IL17RA: variants seen among roughly 807,000 people sequenced by gnomAD.
The protein encoded by IL17RA is interleukin 17 receptor A.
Under a neutral mutation model 50.4 loss-of-function variants are expected in IL17RA, and 34 were observed. That is an observed-to-expected ratio of 0.67 (90% CI 0.51 to 0.90). The LOEUF is 0.90. Among genes scored for constraint, IL17RA ranks in the 40% least tolerant of loss-of-function variants. The pLI, the probability that IL17RA is intolerant of heterozygous loss-of-function variation, is 0.00. For synonymous variants in IL17RA, 585 were observed against 510.4 expected (o/e 1.15, Z -1.97); for missense variants, 1,276 against 1,169.8 (o/e 1.09, Z -1.32).
rs948738332 is a variant in IL17RA, at chr22:17,108,867, G to A, written c.1648G>A (p.Val550Ile). Residue 550 changes from valine to isoleucine, a missense_variant, in exon 13 of 13, where the codon GTA becomes ATA. Physicochemically the swap from Val to Ile is conservative, Grantham distance 29. Coordinates refer to ENST00000319363, the MANE Select transcript of IL17RA (RefSeq NM_014339.7). ...EMFQPGRMHRVGELSGDNYLR... is the reference protein window; with the variant it reads ...EMFQPGRMHRIGELSGDNYLR... Reference sequence around the variant, plus strand: ...GTTCCAGCCGGGCCGCATGCACCGCGTAGGGGAGCTGTCGGGGGACAACTA... The same window carrying A: ...GTTCCAGCCGGGCCGCATGCACCGCATAGGGGAGCTGTCGGGGGACAACTA... 1 of 1,609,994 alleles carries A rather than the reference G, an allele frequency of 6.2e-7. No individual in the cohort carries two copies. The highest frequency in any genetic ancestry group is 1.7e-5 in the Admixed American group (1 of 59,588).
intron 5 of IL17RA, among the ~76,000 whole-genome samples, chr22:17,101,584 T>C (rs1183418839): frequency 2.0e-5 from 3 of 152,180 alleles, no homozygotes; most frequent in Admixed American, 2.0e-4. Context: ...AAGGAGTGAA[T>C]CTCCTCAGTT....
At position 17,109,094 on chromosome 22, in the gene IL17RA, C is replaced by T. The variant is rs898635085; in HGVS notation, c.1875C>T (p.Arg625=). The T allele has an allele frequency of 8.3e-6, 13 of 1,563,298 alleles. No homozygotes were observed. Among genetic ancestry groups the T allele is most frequent in the Non-Finnish European group, 1.1e-5 (13 of 1,163,074 alleles). The change falls in exon 13 of 13, where the codon CGC becomes CGT. Residue 625 remains arginine, a synonymous_variant. Transcript: ENST00000319363. ...TCGTGAAGCGGGCGCCCCTGGTGCG[C>T]GAGCCTGGCTCCCAGGCCTGCCTGG... The part of the protein sequence containing the change: ...TGIVKRAPLV[R]EPGSQACLAI...
In IL17RA at chr22:17,100,494, T is replaced by G; in HGVS notation, c.550+13T>G. On this transcript the variant is annotated intron_variant, in intron 5 of 12. Coordinates refer to ENST00000319363, the MANE Select transcript of IL17RA (RefSeq NM_014339.7). Reference sequence around the variant, plus strand: ...TTCCTTGTGCCTGGTAAGAGCATCCTCCCAAGACATTCCCTCCCCAATGGC... The same window carrying G: ...TTCCTTGTGCCTGGTAAGAGCATCCGCCCAAGACATTCCCTCCCCAATGGC... 6.2e-7 allele frequency: 1 copy of G among 1,613,596 alleles called. No individual in the cohort carries two copies. The highest frequency in any genetic ancestry group is 8.5e-7 in the Non-Finnish European group (1 of 1,180,002).
chr22:17,094,699 A>ATATATATGTG (rs2061362279), intron 1 of IL17RA, among the ~76,000 whole-genome samples: 1 of 57,148 alleles, frequency 1.7e-5, no homozygotes, highest in Non-Finnish European at 3.1e-5. Context: ...CTCTATATAT[A>ATATATATGTG]TATATATATA....
At chr22:17,086,121 C>T (rs1418535996) in intron 1 of IL17RA, among the ~76,000 whole-genome samples, 1 of 152,074 alleles carries the variant, frequency 6.6e-6, no homozygotes, top group Non-Finnish European at 1.5e-5. Context: ...TTTCTGTGAG[C>T]CAGGACCATC....
intron 3 of IL17RA, 58 bp downstream of exon 3, chr22:17,098,001 C>T (rs1481406926): frequency 1.2e-5 from 19 of 1,605,856 alleles, no homozygotes; most frequent in Non-Finnish European, 1.6e-5. Flanking sequence ...AGTGGCTCTC[C>T]CAGTCAGGCT....
chr22:17,092,170 G>A (rs1019539567), intron 1 of IL17RA, among the ~76,000 whole-genome samples: 7 of 152,178 alleles, frequency 4.6e-5, no homozygotes, highest in East Asian at 1.9e-4. Flanking sequence ...CCATAAAAAC[G>A]GGGTTCAGAG....
At position 17,106,915 on chromosome 22, in the gene IL17RA, C is replaced by T. The variant is rs140859074; in HGVS notation, c.1046-812C>T. On this transcript the variant is annotated intron_variant, in intron 11 of 12. Transcript: ENST00000319363. ...GTTGCGCTTCTGTTTTCCGAAGTGT[C>T]CTGCACCACAGGGTGAAGGCAAGAG... Among the ~76,000 whole-genome samples, 320 of 152,214 alleles carry T rather than the reference C, an allele frequency of 2.1e-3. 2 individuals carry two copies. Among genetic ancestry groups the T allele is most frequent in the African/African-American group, 7.3e-3 (304 of 41,528 alleles).
At chr22:17,094,685 CTCTCTCTA>C (rs1422942353) in intron 1 of IL17RA, among the ~76,000 whole-genome samples, 2 of 45,804 alleles carry the variant, frequency 4.4e-5, no homozygotes, top group South Asian at 6.3e-4. Flanking sequence ...CTCTCTCTCT[CTCTCTCTA>C]TATATATATA....
At chr22:17,089,362 C>T (rs1445304163) in intron 1 of IL17RA, among the ~76,000 whole-genome samples, 1 of 152,134 alleles carries the variant, frequency 6.6e-6, no homozygotes, top group Non-Finnish European at 1.5e-5. Flanking sequence ...TTCATCAGTA[C>T]AATTGGGATA....
intron 8 of IL17RA, 74 bp downstream of exon 8, chr22:17,103,651 T>A: frequency 8.7e-7 from 1 of 1,153,778 alleles, no homozygotes; most frequent in Non-Finnish European, 1.3e-6. Flanking sequence ...GAGTGAGGAG[T>A]GTGCACAGGT....
At chr22:17,108,261 C>T in intron 12 of IL17RA, 46 bp from the exon 13 acceptor site, 1 of 1,598,842 alleles carries the variant, frequency 6.3e-7, no homozygotes, top group South Asian at 1.1e-5. Flanking sequence ...CAGAGCTGCC[C>T]TGGGCCCTGG....
In IL17RA at chr22:17,104,507, T is replaced by C. The variant is rs139950741; in HGVS notation, c.847-219T>C. 9.3e-3 allele frequency among the ~76,000 whole-genome samples: 1,408 copies of C among 152,204 alleles called. 25 individuals carry two copies. Among genetic ancestry groups the C allele is most frequent in the African/African-American group, 0.032 (1,309 of 41,486 alleles). ...AGCACCACTACCAGTCAGGATTCCT[T>C]GCCTGGTAAGGCACTGCCCCTGCCT... On this transcript the variant is annotated intron_variant, in intron 8 of 12. Coordinates refer to ENST00000319363, the MANE Select transcript of IL17RA (RefSeq NM_014339.7).
chr22:17,087,496 C>T lies in IL17RA; in HGVS notation c.138+2267C>T, dbSNP rs181993722. Among the ~76,000 whole-genome samples, 5 of 152,340 alleles carry T rather than the reference C, an allele frequency of 3.3e-5. No individual in the cohort carries two copies. In the East Asian group the frequency reaches 7.7e-4, roughly 24 times the overall value. Reference sequence around the variant, plus strand: ...CTGTTCCTAGCTCAGTGCTGGAGCACAGGATGCGGGGGCTATTTGATACAT... The same window carrying T: ...CTGTTCCTAGCTCAGTGCTGGAGCATAGGATGCGGGGGCTATTTGATACAT... On this transcript the variant is annotated intron_variant, in intron 1 of 12. Transcript: ENST00000319363.
chr22:17,091,096 C>T (rs1222448632), intron 1 of IL17RA, among the ~76,000 whole-genome samples: 1 of 152,230 alleles, frequency 6.6e-6, no homozygotes, highest in Non-Finnish European at 1.5e-5. Context: ...GGTCTAATCT[C>T]CCATGTCCTG....
rs1226513467 is a variant in IL17RA, at chr22:17,109,708, C to A, written c.2489C>A (p.Pro830His). 8.2e-6 allele frequency: 13 copies of A among 1,590,448 alleles called. No homozygotes were observed. The highest frequency in any genetic ancestry group is 1.1e-5 in the Non-Finnish European group (13 of 1,169,268). ...GGGAAGCCGGCCCTGCCACTCTCTC[C>A]CGAGGACCTGGAGAGCCTGAGGAGC... Reference protein sequence around the residue: ...DPGKPALPLSPEDLESLRSLQ... With the variant: ...DPGKPALPLSHEDLESLRSLQ... Residue 830 changes from proline to histidine, a missense_variant, in exon 13 of 13, where the codon CCC becomes CAC. Physicochemically the swap from Pro to His is moderately conservative, Grantham distance 77. Coordinates refer to ENST00000319363, the MANE Select transcript of IL17RA (RefSeq NM_014339.7).
rs9605216 is a variant in IL17RA, at chr22:17,113,326, A to G, written c.*3506A>G. 18,817 of 152,246 alleles carry G rather than the reference A, an allele frequency of 0.12. 1,381 individuals carry two copies. The highest frequency in any genetic ancestry group is 0.16 in the Non-Finnish European group (10,793 of 68,080). 9.4% of individuals were successfully genotyped at this position (152,246 alleles called of 1,614,324 possible). Reference sequence around the variant, plus strand: ...TTTCCACCTCAGCCTGCCAGTGGCTAGAACTACAGGCGTGCACCACTGTGC... The same window carrying G: ...TTTCCACCTCAGCCTGCCAGTGGCTGGAACTACAGGCGTGCACCACTGTGC... On this transcript the variant is annotated 3_prime_UTR_variant, in exon 13 of 13. Transcript: ENST00000319363.
intron 1 of IL17RA, among the ~76,000 whole-genome samples, chr22:17,088,820 A>G (rs2061337819): frequency 7.0e-6 from 1 of 142,298 alleles, no homozygotes; most frequent in Admixed American, 7.1e-5. Flanking sequence ...TTTTGAGACA[A>G]GGTCTCACTC....
intron 12 of IL17RA, 91 bp downstream of exon 12, chr22:17,107,859 A>G: frequency 1.7e-6 from 2 of 1,144,182 alleles, no homozygotes; most frequent in Non-Finnish European, 2.6e-6. Context: ...CTGTGCTCTA[A>G]CTCCCAAGTC....
Sources: allele counts gnomAD v4.1 joint callset (sites outside exome capture counted in the v4.1 genomes callset), GRCh38; gene constraint gnomAD v4.1.1; transcripts MANE v1.5; gene names NCBI Gene and HGNC (gene_info 2026-07-23, HGNC 2026-07-21).